Variants in INTS9 observed in about 807,000 individuals in gnomAD.
INTS9 encodes integrator complex subunit 9, also known as protein related to CPSF subunits of 74 kDa.
Under a neutral mutation model 79.7 loss-of-function variants are expected in INTS9, and 55 were observed. The ratio of observed to expected loss-of-function variants is 0.69; its 90% CI spans 0.56 to 0.86. The LOEUF (loss-of-function observed/expected upper bound fraction) is 0.86. INTS9 is among the 40% of genes least tolerant of loss of function. INTS9 has a pLI of 0.00. For synonymous variants in INTS9, 319 were observed against 325.2 expected (o/e 0.98, Z 0.20); for missense variants, 721 against 831.5 (o/e 0.87, Z 1.64).
At position 28,770,026 on chromosome 8, in the gene INTS9, G is replaced by C. The variant is rs970178769; in HGVS notation, c.1663C>G (p.Pro555Ala). ...GTGGGCTGGGCGGGCCGAGGAGGGG[G>C]CTAGAGCAGAAGGAAAGAGTGGCTT... ...HTKDNKHLLQPPPRPAQPTSG... is the reference protein window; with the variant it reads ...HTKDNKHLLQAPPRPAQPTSG... Residue 555 changes from proline (P) to alanine (A), a missense_variant and splice_region_variant, in exon 16 of 17, where the codon CCC becomes GCC. Coordinates refer to ENST00000521022, the MANE Select transcript of INTS9 (RefSeq NM_018250.4). 1 of 1,613,626 alleles carries C rather than the reference G, an allele frequency of 6.2e-7. No individual in the cohort carries two copies. The highest frequency in any genetic ancestry group is 2.2e-5 in the East Asian group (1 of 44,880).
chr8:28,797,700 A>C (rs559475577), intron 8 of INTS9, among the ~76,000 whole-genome samples: 1 of 152,342 alleles, frequency 6.6e-6, no homozygotes, highest in East Asian at 1.9e-4. Context: ...GAGAAGCTGG[A>C]GAGCTCACAG....
At chr8:28,813,733 T>C (rs930310688) in intron 6 of INTS9, 121 bp from the exon 7 acceptor site, 3 of 1,043,632 alleles carry the variant, frequency 2.9e-6, no homozygotes, top group East Asian at 2.5e-5. Flanking sequence ...TAATTGTTCA[T>C]AGGATTCCTT....
intron 1 of INTS9, among the ~76,000 whole-genome samples, chr8:28,889,649 G>A (rs1336846498): frequency 1.3e-5 from 2 of 152,144 alleles, no homozygotes; most frequent in Non-Finnish European, 2.9e-5. Context: ...TGAACAAAAA[G>A]ACCCACTAAC....
chr8:28,812,199 T>G (rs1323262641), intron 8 of INTS9, 128 bp downstream of exon 8: 1 of 925,938 alleles, frequency 1.1e-6, no homozygotes, highest in Admixed American at 2.3e-5. Context: ...TAGTCTACCT[T>G]GGCTAGAGAG....
chr8:28,804,055 C>G (rs1310592810), intron 8 of INTS9, among the ~76,000 whole-genome samples: 1 of 152,146 alleles, frequency 6.6e-6, no homozygotes, highest in Non-Finnish European at 1.5e-5. Flanking sequence ...TCCTGAGTAG[C>G]TGGGACCACA....
chr8:28,885,566 T>A (rs1317618420), intron 1 of INTS9, among the ~76,000 whole-genome samples: 1 of 152,220 alleles, frequency 6.6e-6, no homozygotes, highest in Non-Finnish European at 1.5e-5. Context: ...ATTCTCTCCA[T>A]CTCAGGTACT....
intron 2 of INTS9, among the ~76,000 whole-genome samples, chr8:28,852,183 C>T (rs1260400914): frequency 2.6e-5 from 4 of 151,722 alleles, no homozygotes; most frequent in Non-Finnish European, 5.9e-5. Context: ...TGTGCCACTG[C>T]CACAAAGCAA....
chr8:28,838,376 C>T (rs1289333682), intron 4 of INTS9, among the ~76,000 whole-genome samples: 1 of 152,032 alleles, frequency 6.6e-6, no homozygotes, highest in African/African-American at 2.4e-5. Flanking sequence ...CCCAGATCTG[C>T]CCTTTTAAGT....
chr8:28,813,919 C>T lies in INTS9; in HGVS notation c.489-307G>A, dbSNP rs552391740. Reference sequence around the variant, plus strand: ...GGGATTACAGGCGCCCACCACCATGCCCGGCTAATTTTTGTATTTTTAGTA... The same window carrying T: ...GGGATTACAGGCGCCCACCACCATGTCCGGCTAATTTTTGTATTTTTAGTA... On this transcript the variant is annotated intron_variant, in intron 6 of 16. Coordinates refer to ENST00000521022, the MANE Select transcript of INTS9 (RefSeq NM_018250.4). Among the ~76,000 whole-genome samples, 270 of 152,024 alleles carry T rather than the reference C, an allele frequency of 1.8e-3. 1 individual carries two copies. Among genetic ancestry groups the T allele is most frequent in the African/African-American group, 6.2e-3 (258 of 41,478 alleles).
At chr8:28,883,016 T>C (rs950534873) in intron 1 of INTS9, among the ~76,000 whole-genome samples, 1 of 152,228 alleles carries the variant, frequency 6.6e-6, no homozygotes, top group Non-Finnish European at 1.5e-5. Context: ...TTTCTTTTCC[T>C]ACTCTTGCCT....
intron 5 of INTS9, among the ~76,000 whole-genome samples, chr8:28,835,838 C>T (rs193248150): frequency 4.0e-5 from 6 of 150,618 alleles, no homozygotes; most frequent in East Asian, 3.9e-4. Flanking sequence ...GACAGAGTTT[C>T]GTTCTTGTTG....
rs1037445301 is a variant in INTS9 at position 28,889,936 on chromosome 8, C to G, written c.-54G>C. 2.0e-6 allele frequency: 3 copies of G among 1,514,240 alleles called. No individual in the cohort carries two copies. In the African/African-American group the frequency reaches 4.1e-5, roughly 21 times the overall value. 93.8% of individuals were successfully genotyped at this position (1,514,240 alleles called of 1,614,324 possible). ...CACTGAACTCCTCAAACCCAGGAAG[C>G]GTCTTCCGGTGCAATCTCCGCCACC... On this transcript the variant is annotated 5_prime_UTR_variant, in exon 1 of 17. Transcript: ENST00000521022.
At position 28,769,958 on chromosome 8, in the gene INTS9, G is replaced by T. The variant is rs752824320; in HGVS notation, c.1731C>A (p.Asp577Glu). 8 of 1,614,258 alleles carry T rather than the reference G, an allele frequency of 5.0e-6. No individual in the cohort carries two copies. The South Asian group carries it at 8.8e-5, about 18-fold the overall frequency. The change falls in exon 16 of 17, where the codon GAC (aspartate) becomes GAA (glutamate). Residue 577 changes from aspartate to glutamate, a missense_variant. By Grantham distance (45) the Asp-to-Glu change is conservative. Coordinates refer to ENST00000521022, the MANE Select transcript of INTS9 (RefSeq NM_018250.4). ...TCAACAAAGGCTTCAGGACTTTGCAGTCTGGTACGTCATCGCTCACCCGCT... is the reference window on the plus strand; with the variant it reads ...TCAACAAAGGCTTCAGGACTTTGCATTCTGGTACGTCATCGCTCACCCGCT... Reference protein sequence around the residue: ...KRKRVSDDVPDCKVLKPLLSG... With the variant: ...KRKRVSDDVPECKVLKPLLSG...
intron 6 of INTS9, among the ~76,000 whole-genome samples, chr8:28,823,056 G>A (rs911592267): frequency 6.6e-5 from 10 of 152,184 alleles, no homozygotes; most frequent in Non-Finnish European, 1.3e-4. Context: ...CCATGGCATT[G>A]GGCCCAAGAC....
At chr8:28,856,382 A>G (rs1336178457) in intron 2 of INTS9, among the ~76,000 whole-genome samples, 1 of 152,160 alleles carries the variant, frequency 6.6e-6, no homozygotes, top group African/African-American at 2.4e-5. Flanking sequence ...CAGTCTGATC[A>G]TGAAAAAAGG....
At chr8:28,787,484 C>T (rs914171417) in intron 11 of INTS9, among the ~76,000 whole-genome samples, 1 of 152,186 alleles carries the variant, frequency 6.6e-6, no homozygotes, top group Non-Finnish European at 1.5e-5. Context: ...ACTTTTTGGG[C>T]ACCAACATGA....
At chr8:28,881,771 C>T (rs1322538105) in intron 1 of INTS9, among the ~76,000 whole-genome samples, 14 of 144,106 alleles carry the variant, frequency 9.7e-5, no homozygotes, top group East Asian at 4.4e-4. Context: ...TGCCCGGCCG[C>T]CCCTACTGGG....
At chr8:28,772,518 A>G (rs1007873099) in intron 14 of INTS9, among the ~76,000 whole-genome samples, 1 of 151,864 alleles carries the variant, frequency 6.6e-6, no homozygotes, top group African/African-American at 2.4e-5. Context: ...GTCTCAAAAA[A>G]AGACATAGGG....
chr8:28,881,270 C>T (rs1208127910), intron 1 of INTS9, among the ~76,000 whole-genome samples: 10 of 149,518 alleles, frequency 6.7e-5, no homozygotes. Context: ...CAGCCCCCCG[C>T]CCGGCCAGCC....
Sources: gnomAD v4.1 joint callset for allele counts (sites outside exome capture counted in the v4.1 genomes callset) on GRCh38, gnomAD v4.1.1 for gene constraint, MANE v1.5 for transcripts, NCBI Gene and HGNC (gene_info 2026-07-23, HGNC 2026-07-21) for gene names.